PHYHIP: variants seen among roughly 807,000 people sequenced by gnomAD.
PHYHIP encodes phytanoyl-CoA hydroxylase-interacting protein.
Under a neutral mutation model 26.1 loss-of-function variants are expected in PHYHIP, and 7 were observed. The ratio of observed to expected loss-of-function variants is 0.27; its 90% confidence interval spans 0.15 to 0.50. The LOEUF is 0.50. Among genes scored for constraint, PHYHIP ranks in the 20% least tolerant of loss-of-function variants. The pLI is 0.98. For missense variants in PHYHIP, 232 were observed against 454.7 expected (o/e 0.51, Z 4.45); for synonymous variants, 206 against 183.4 (o/e 1.12, Z -1.00).
chr8:22,224,084 G>T, intron 4 of PHYHIP, 142 bp downstream of exon 4: 1 of 655,754 alleles, frequency 1.5e-6, no homozygotes, highest in South Asian at 1.7e-5. Context: ...GAGCCAGCCT[G>T]GTGACGTCAG....
At position 22,221,321 on chromosome 8, in the gene PHYHIP, C is replaced by G. The variant is rs180801147; in HGVS notation, c.*32G>C. On this transcript the variant is annotated 3_prime_UTR_variant, in exon 5 of 5. Coordinates refer to ENST00000454243, the MANE Select transcript of PHYHIP (RefSeq NM_014759.5). This position sits in a 1 kb window ranked among gnomAD's most constrained non-coding sequence, Gnocchi z 7.9. Reference sequence around the variant, plus strand: ...CTACCCACCTCCACCTTCCGCTCATCTCTCCCTCGCCCCCCAGCTCCCCAG... The same window carrying G: ...CTACCCACCTCCACCTTCCGCTCATGTCTCCCTCGCCCCCCAGCTCCCCAG... 6.5e-7 allele frequency: 1 copy of G among 1,527,486 alleles called. No homozygotes were observed. Among genetic ancestry groups the G allele is most frequent in the Admixed American group, 2.1e-5 (1 of 47,886 alleles). 94.6% of individuals were successfully genotyped at this position (1,527,486 alleles called of 1,614,324 possible).
chr8:22,226,040 G>A (rs956415100), intron 3 of PHYHIP, among the ~76,000 whole-genome samples: 1 of 152,102 alleles, frequency 6.6e-6, no homozygotes, highest in African/African-American at 2.4e-5. Flanking sequence ...TGAGTCGTGA[G>A]GGACCAAGCA....
intron 1 of PHYHIP, among the ~76,000 whole-genome samples, chr8:22,229,410 C>T (rs1829824220): frequency 6.6e-6 from 1 of 152,204 alleles, no homozygotes; most frequent in African/African-American, 2.4e-5. Context: ...TCTCTCCCCT[C>T]CCTGTCTTAC....
At chr8:22,231,344 G>A (rs937777778) in intron 1 of PHYHIP, among the ~76,000 whole-genome samples, 30 of 152,188 alleles carry the variant, frequency 2.0e-4, no homozygotes, top group African/African-American at 6.5e-4. Flanking sequence ...TGTACCTCAC[G>A]TGTGCCAGAA....
Position 22,221,695 on chromosome 8 carries a change from G to A in PHYHIP, c.651C>T (p.Ser217=). 6.2e-7 allele frequency: 1 copy of A among 1,613,108 alleles called. No individual in the cohort carries two copies. Among genetic ancestry groups the A allele is most frequent in the Non-Finnish European group, 8.5e-7 (1 of 1,179,708 alleles). The change falls in exon 5 of 5, where the codon AGC becomes AGT. Residue 217 remains serine (S), a synonymous_variant. Coordinates refer to ENST00000454243, the MANE Select transcript of PHYHIP (RefSeq NM_014759.5). The surrounding 1 kb of genome is among the most constrained non-coding windows in gnomAD (Gnocchi z 7.9). ...AGAAGTCCGCAAAGTAGAGGTTGGT[G>A]CTGGGATTGAAGAGGCGCTGAGCTG... The part of the protein sequence containing the change: ...QIPAQRLFNP[S]TNLYFADFYC...
At chr8:22,226,073 G>C (rs926802507) in intron 3 of PHYHIP, among the ~76,000 whole-genome samples, 1 of 152,194 alleles carries the variant, frequency 6.6e-6, no homozygotes, top group Admixed American at 6.5e-5. Flanking sequence ...CTGTTTGTTT[G>C]TGATGGAGTC....
chr8:22,224,002 T>A, intron 4 of PHYHIP: 1 of 527,886 alleles, frequency 1.9e-6, no homozygotes, highest in Non-Finnish European at 3.4e-6. Context: ...AGTACAACAC[T>A]CTTGCAGAAG....
At chr8:22,228,419 T>C (rs1193549623) in intron 1 of PHYHIP, 33 bp from the exon 2 acceptor site, 3 of 1,343,412 alleles carry the variant, frequency 2.2e-6, no homozygotes, top group Non-Finnish European at 3.1e-6. Flanking sequence ...GTACATCCCT[T>C]GACCCCGGCG....
At chr8:22,223,360 CAAAAAAA>C (rs750178076) in intron 4 of PHYHIP, among the ~76,000 whole-genome samples, 9 of 62,076 alleles carry the variant, frequency 1.4e-4, no homozygotes, top group African/African-American at 4.4e-4. Flanking sequence ...GACGCCATCT[CAAAAAAA>C]AAAAAAAAAA....
intron 1 of PHYHIP, among the ~76,000 whole-genome samples, chr8:22,229,329 C>T: frequency 6.6e-6 from 1 of 152,168 alleles, no homozygotes; most frequent in East Asian, 1.9e-4. Context: ...TGTGTGCATG[C>T]ATGGGTGCCC....
rs375706223 is a variant in PHYHIP, at chr8:22,221,656, C to T, written c.690G>A (p.Thr230=). Residue 230 remains threonine (T), a synonymous_variant, in exon 5 of 5, where the codon ACG becomes ACA. Coordinates refer to ENST00000454243, the MANE Select transcript of PHYHIP (RefSeq NM_014759.5). The surrounding 1 kb of genome is among the most constrained non-coding windows in gnomAD (Gnocchi z 7.9). ...LYFADFYCMY[T]AYHYAILVLA... The stretch of plus-strand genomic sequence containing the variant: ...GCACCAGGATGGCGTAGTGGTAGGC[C>T]GTGTACATGCAGTAGAAGTCCGCAA... 41 of 1,612,820 alleles carry T rather than the reference C, an allele frequency of 2.5e-5. 1 individual carries two copies. Among genetic ancestry groups the T allele is most frequent in the African/African-American group, 1.6e-4 (12 of 74,890 alleles).
intron 1 of PHYHIP, among the ~76,000 whole-genome samples, chr8:22,231,232 C>G (rs1829859993): frequency 6.6e-6 from 1 of 152,120 alleles, no homozygotes; most frequent in Non-Finnish European, 1.5e-5. Context: ...GCATACACTC[C>G]CACACACATG....
chr8:22,225,855 C>T (rs1347902059), intron 3 of PHYHIP, among the ~76,000 whole-genome samples: 1 of 151,438 alleles, frequency 6.6e-6, no homozygotes, highest in East Asian at 1.9e-4. Context: ...AAGCACCACT[C>T]AAAAGACAAC....
intron 1 of PHYHIP, among the ~76,000 whole-genome samples, chr8:22,231,138 C>T (rs1829858163): frequency 6.6e-6 from 1 of 152,242 alleles, no homozygotes; most frequent in South Asian, 2.1e-4. Context: ...GCTCTGCCCA[C>T]AGACAATGGT....
In PHYHIP at chr8:22,220,598, C is replaced by G. The variant is rs1335506881; in HGVS notation, c.*755G>C. On this transcript the variant is annotated 3_prime_UTR_variant, in exon 5 of 5. Coordinates refer to ENST00000454243, the MANE Select transcript of PHYHIP (RefSeq NM_014759.5). ...CAACCCCAGTGGCTGCTGTCTCAGA[C>G]CCCTGCACTCTAAGCAAGGAGAAGG... 1.3e-5 allele frequency: 2 copies of G among 152,338 alleles called. No individual in the cohort carries two copies. The highest frequency in any genetic ancestry group is 2.9e-5 in the Non-Finnish European group (2 of 68,170). 9.4% of individuals were successfully genotyped at this position (152,338 alleles called of 1,614,324 possible).
At position 22,220,611 on chromosome 8, in the gene PHYHIP, A is replaced by C. The variant is rs1394731513; in HGVS notation, c.*742T>G. 6.6e-6 allele frequency: 1 copy of C among 152,312 alleles called. No homozygotes were observed. Among genetic ancestry groups the C allele is most frequent in the Non-Finnish European group, 1.5e-5 (1 of 68,154 alleles). 9.4% of individuals were successfully genotyped at this position (152,312 alleles called of 1,614,324 possible). A position where few individuals can be genotyped will look rare whatever the true frequency, so the allele number is the denominator to read the frequency against. ...TGCTGTCTCAGACCCCTGCACTCTA[A>C]GCAAGGAGAAGGTATGCTGGGGTAT... On this transcript the variant is annotated 3_prime_UTR_variant, in exon 5 of 5. Coordinates refer to ENST00000454243, the MANE Select transcript of PHYHIP (RefSeq NM_014759.5).
chr8:22,227,212 C>G (rs1265401767), intron 2 of PHYHIP, among the ~76,000 whole-genome samples, 187 bp from the exon 3 acceptor site: 1 of 152,232 alleles, frequency 6.6e-6, no homozygotes, highest in Non-Finnish European at 1.5e-5. Context: ...CACTCCACAG[C>G]CTTGGCCCCT....
chr8:22,224,865 G>A (rs1829710971), intron 3 of PHYHIP, among the ~76,000 whole-genome samples: 1 of 152,170 alleles, frequency 6.6e-6, no homozygotes, highest in Non-Finnish European at 1.5e-5. Context: ...GCAGTCCTGG[G>A]TCTGGAGCAA....
chr8:22,229,145 C>T (rs948412403), intron 1 of PHYHIP, among the ~76,000 whole-genome samples: 1 of 152,178 alleles, frequency 6.6e-6, no homozygotes, highest in Non-Finnish European at 1.5e-5. Flanking sequence ...TGGAAGTAGG[C>T]ACACACTATC....
Sources: allele counts gnomAD v4.1 joint callset (sites outside exome capture counted in the v4.1 genomes callset), GRCh38; gene constraint gnomAD v4.1.1; non-coding constraint Gnocchi (gnomAD v3.1); transcripts MANE v1.5; gene names NCBI Gene and HGNC (gene_info 2026-07-23, HGNC 2026-07-21).